Variants in WDR72 observed in about 807,000 individuals in gnomAD.
The protein encoded by WDR72 is WD repeat-containing protein 72.
WDR72 carries 120 observed loss-of-function variants against 124.2 expected under a neutral mutation model. The ratio of observed to expected loss-of-function variants is 0.97; its 90% CI spans 0.83 to 1.12. WDR72 has a LOEUF of 1.12. Among genes scored for constraint, WDR72 ranks in the 50% most tolerant of loss-of-function variants. The probability of loss-of-function intolerance (pLI) is 0.00; values close to 1 mark genes in which losing one functional copy is unlikely to be tolerated. For missense variants in WDR72, 1,387 were observed against 1,278.8 expected (o/e 1.08, Z -1.29); for synonymous variants, 452 against 441.7 (o/e 1.02, Z -0.29).
intron 3 of WDR72, among the ~76,000 whole-genome samples, chr15:53,722,094 C>T (rs767908696): frequency 3.1e-4 from 47 of 151,764 alleles, no homozygotes; most frequent in East Asian, 1.7e-3. Flanking sequence ...AGTGCAGTGG[C>T]GCCATCTTAG....
chr15:53,565,347 T>G (rs956829851), intron 18 of WDR72, among the ~76,000 whole-genome samples: 3 of 151,900 alleles, frequency 2.0e-5, no homozygotes, highest in African/African-American at 7.2e-5. Context: ...AAAAAGTGTG[T>G]AAAAAGAATA....
intron 13 of WDR72, among the ~76,000 whole-genome samples, chr15:53,682,104 G>A (rs689751): frequency 0.38 from 57,201 of 149,654 alleles, 12,234 homozygotes; most frequent in Middle Eastern, 0.62. Flanking sequence ...ATTTTACAAT[G>A]CACACCAGAA....
rs8034872 is a variant in WDR72, at chr15:53,697,304, G to A, written c.1765+2446C>T. On this transcript the variant is annotated intron_variant, in intron 13 of 19. Transcript: ENST00000360509. ...TGTGTCCTTCCTTTTTTGTGCACAG[G>A]GAGGCTGATGCCCAGAACTGAATGC... Among the ~76,000 whole-genome samples, 3 of 151,986 alleles carry A rather than the reference G, an allele frequency of 2.0e-5. No individual in the cohort carries two copies. In the East Asian group the frequency reaches 5.8e-4, roughly 29 times the overall value.
chr15:53,621,786 T>C (rs988159128), intron 14 of WDR72, among the ~76,000 whole-genome samples: 1 of 151,786 alleles, frequency 6.6e-6, no homozygotes, highest in African/African-American at 2.4e-5. Flanking sequence ...CAATAACCTA[T>C]GGAAATAAAC....
At chr15:53,754,683 G>A (rs34377392) in intron 1 of WDR72, among the ~76,000 whole-genome samples, 20,951 of 152,082 alleles carry the variant, frequency 0.14, 1,892 homozygotes, top group Middle Eastern at 0.19. Flanking sequence ...TACCTTGTTT[G>A]TATTTCTTGG....
intron 18 of WDR72, among the ~76,000 whole-genome samples, chr15:53,596,617 C>A (rs1906444): frequency 0.48 from 73,183 of 151,970 alleles, 18,795 homozygotes; most frequent in African/African-American, 0.67. Context: ...ATTGCTGTTA[C>A]TTCTGCTTTC....
chr15:53,615,951 T>C lies in WDR72; in HGVS notation c.2255A>G (p.Gln752Arg), dbSNP rs1259642452. Reference sequence around the variant, plus strand: ...TGAGAATTTGATGGTATTATCTCCTTGGGCCAGGCTTTCAGTAATAGGCTT... The same window carrying C: ...TGAGAATTTGATGGTATTATCTCCTCGGGCCAGGCTTTCAGTAATAGGCTT... ...LAKPITESLA[Q>R]GDNTIKFSEE... Residue 752 changes from glutamine to arginine, a missense_variant, in exon 15 of 20, where the codon CAA (glutamine) becomes CGA (arginine). Physicochemically the swap from Gln to Arg is conservative, Grantham distance 43. Transcript: ENST00000360509. 8.1e-6 allele frequency: 13 copies of C among 1,613,420 alleles called. No homozygotes were observed. The highest frequency in any genetic ancestry group is 1.3e-5 in the African/African-American group (1 of 75,008).
chr15:53,637,733 A>G (rs1230803489), intron 14 of WDR72, among the ~76,000 whole-genome samples: 1 of 151,906 alleles, frequency 6.6e-6, no homozygotes, highest in African/African-American at 2.4e-5. Flanking sequence ...TACCTCCTTT[A>G]ATGCTTCATT....
At chr15:53,745,586 G>A (rs994344131) in intron 1 of WDR72, among the ~76,000 whole-genome samples, 1 of 152,196 alleles carries the variant, frequency 6.6e-6, no homozygotes, top group Admixed American at 6.5e-5. Context: ...CAACAAATAA[G>A]TTTTGTATAG....
At chr15:53,728,092 C>T (rs775171597) in intron 2 of WDR72, among the ~76,000 whole-genome samples, 46 of 152,104 alleles carry the variant, frequency 3.0e-4, no homozygotes, top group East Asian at 1.9e-4. Context: ...TAACTGAGAC[C>T]GGGCAATTTA....
intron 1 of WDR72, among the ~76,000 whole-genome samples, chr15:53,747,909 C>G (rs1330803097): frequency 6.6e-6 from 1 of 151,814 alleles, no homozygotes; most frequent in Non-Finnish European, 1.5e-5. Context: ...GTCTAAAGCT[C>G]AAAGTTCAGG....
At chr15:53,727,264 T>C (rs1174912160) in intron 2 of WDR72, among the ~76,000 whole-genome samples, 1 of 149,844 alleles carries the variant, frequency 6.7e-6, no homozygotes, top group East Asian at 1.9e-4. Flanking sequence ...TGAATTTGAA[T>C]GGCTAGCAAA....
At chr15:53,723,307 C>A (rs1213496809) in intron 2 of WDR72, among the ~76,000 whole-genome samples, 1 of 152,130 alleles carries the variant, frequency 6.6e-6, no homozygotes, top group Non-Finnish European at 1.5e-5. Context: ...AAATATTACC[C>A]TTTTTGAAAC....
chr15:53,553,565 G>A (rs1259687962), intron 18 of WDR72, among the ~76,000 whole-genome samples: 3 of 152,108 alleles, frequency 2.0e-5, no homozygotes, highest in African/African-American at 7.2e-5. Context: ...CATTGGTCAA[G>A]GTATTTCTTC....
intron 16 of WDR72, 33 bp downstream of exon 16, chr15:53,613,633 A>T: frequency 6.9e-7 from 1 of 1,450,532 alleles, no homozygotes; most frequent in Non-Finnish European, 9.7e-7. Context: ...GAAAAAAAAA[A>T]TCAGATCATA....
chr15:53,536,030 A>T (rs527565223), intron 18 of WDR72, among the ~76,000 whole-genome samples: 1 of 152,300 alleles, frequency 6.6e-6, no homozygotes, highest in African/African-American at 2.4e-5. Flanking sequence ...ATCTGAGTCC[A>T]GAAAACAGTT....
At chr15:53,612,961 C>T (rs958266727) in intron 16 of WDR72, among the ~76,000 whole-genome samples, 1 of 151,808 alleles carries the variant, frequency 6.6e-6, no homozygotes, top group Non-Finnish European at 1.5e-5. Flanking sequence ...GAGAAGCAGT[C>T]AGATTCTGGG....
At chr15:53,619,586 T>A (rs1329676488) in intron 14 of WDR72, among the ~76,000 whole-genome samples, 1 of 152,052 alleles carries the variant, frequency 6.6e-6, no homozygotes, top group African/African-American at 2.4e-5. Flanking sequence ...CTCATCTTGG[T>A]TGGCTTTCTC....
chr15:53,543,192 T>G (rs1279619939), intron 18 of WDR72, among the ~76,000 whole-genome samples: 1 of 145,386 alleles, frequency 6.9e-6, no homozygotes, highest in African/African-American at 2.6e-5. Context: ...AGAATATACA[T>G]TTTTTTCAGC....
Sources: allele counts gnomAD v4.1 joint callset (sites outside exome capture counted in the v4.1 genomes callset), GRCh38; gene constraint gnomAD v4.1.1; transcripts MANE v1.5; gene names NCBI Gene and HGNC (gene_info 2026-07-23, HGNC 2026-07-21).